AKAP12: variants seen among roughly 807,000 people sequenced by gnomAD.
The protein encoded by AKAP12 is A-kinase anchor protein 12.
AKAP12 carries 32 observed loss-of-function variants against 79.9 expected under a neutral mutation model. The ratio of observed to expected loss-of-function variants is 0.40; its 90% CI spans 0.30 to 0.54. The LOEUF (loss-of-function observed/expected upper bound fraction) is 0.54, where lower values mean the gene tolerates loss of function less well. Ranked by LOEUF, AKAP12 falls within the 20% of genes least tolerant of loss-of-function variation. The probability of loss-of-function intolerance (pLI) is 0.48; values close to 1 mark genes in which losing one functional copy is unlikely to be tolerated. For missense variants in AKAP12, 2,074 were observed against 2,177.0 expected (o/e 0.95, Z 0.94); for synonymous variants, 808 against 857.0 (o/e 0.94, Z 1.00).
At position 151,312,192 on chromosome 6, in the gene AKAP12, C is replaced by A. The variant is rs73619235; in HGVS notation, c.319+6289C>A. Among the ~76,000 whole-genome samples, 230 of 152,250 alleles carry A rather than the reference C, an allele frequency of 1.5e-3. 1 individual carries two copies. Among genetic ancestry groups the A allele is most frequent in the African/African-American group, 3.8e-3 (156 of 41,530 alleles). On this transcript the variant is annotated intron_variant, in intron 3 of 4. Coordinates refer to ENST00000402676, the MANE Select transcript of AKAP12 (RefSeq NM_005100.4). The stretch of plus-strand genomic sequence containing the variant: ...TTGGCTAAAATATAAGAATCAAGCC[C>A]AGGTGCGGTGACTTACAACGGTAAT...
chr6:151,266,949 G>A (rs1342937119), intron 2 of AKAP12, among the ~76,000 whole-genome samples: 1 of 150,392 alleles, frequency 6.6e-6, no homozygotes, highest in Non-Finnish European at 1.5e-5. Context: ...CCCGGGAGGT[G>A]GAGCCTGCCG....
intron 3 of AKAP12, among the ~76,000 whole-genome samples, chr6:151,326,507 GA>G (rs1165177847): frequency 7.2e-6 from 1 of 139,522 alleles, no homozygotes; most frequent in African/African-American, 2.6e-5. Flanking sequence ...AAAAAAAAAA[GA>G]AAAAAAGAAA....
At chr6:151,319,887 A>G (rs181657184) in intron 3 of AKAP12, 1 of 152,772 alleles carries the variant, frequency 6.5e-6, no homozygotes. Context: ...ATTTAAAGGA[A>G]TAACAGTGGC....
chr6:151,313,818 A>T (rs561369532), intron 3 of AKAP12, among the ~76,000 whole-genome samples: 3 of 152,220 alleles, frequency 2.0e-5, no homozygotes, highest in South Asian at 2.1e-4. Flanking sequence ...ACATTTCTTT[A>T]TCTCATTGCA....
At chr6:151,291,688 C>T (rs1006748580) in intron 2 of AKAP12, among the ~76,000 whole-genome samples, 4 of 152,246 alleles carry the variant, frequency 2.6e-5, no homozygotes, top group East Asian at 3.8e-4. Flanking sequence ...TAAGCATCCA[C>T]GGACCCTAAA....
chr6:151,286,781 G>A (rs1776512830), intron 2 of AKAP12, among the ~76,000 whole-genome samples: 1 of 152,170 alleles, frequency 6.6e-6, no homozygotes, highest in Admixed American at 6.5e-5. Context: ...TCCCGAATGT[G>A]GTCTGAGTCA....
At chr6:151,353,945 T>C (rs895320705) in intron 4 of AKAP12, among the ~76,000 whole-genome samples, 193 bp downstream of exon 4, 1 of 152,190 alleles carries the variant, frequency 6.6e-6, no homozygotes, top group Admixed American at 6.5e-5. Context: ...CATTTAGTCT[T>C]ATCGATGTTA....
At chr6:151,248,712 G>A (rs984877277) in intron 2 of AKAP12, among the ~76,000 whole-genome samples, 3 of 152,260 alleles carry the variant, frequency 2.0e-5, no homozygotes, top group Non-Finnish European at 4.4e-5. Flanking sequence ...GTTGCTGGCC[G>A]GGCATGGTGG....
rs750786266 is a variant in AKAP12 at position 151,349,585 on chromosome 6, G to A, written c.1194G>A (p.Pro398=). ...SQGPSEEKPA[P]LATEVFDEKI... ...GACCTTCTGAAGAGAAACCTGCTCC[G>A]TTGGCGACAGAAGTGTTTGATGAGA... The change falls in exon 4 of 5, where the codon CCG becomes CCA. Residue 398 remains proline, a synonymous_variant. Transcript: ENST00000402676. 1.4e-5 allele frequency: 23 copies of A among 1,611,010 alleles called. No individual in the cohort carries two copies. The highest frequency in any genetic ancestry group is 1.7e-5 in the Admixed American group (1 of 58,970).
chr6:151,289,622 A>G (rs1474266595), intron 2 of AKAP12, among the ~76,000 whole-genome samples: 4 of 152,242 alleles, frequency 2.6e-5, no homozygotes, highest in African/African-American at 7.2e-5. Context: ...GATGTGCAAT[A>G]TAACTGTTTT....
chr6:151,354,032 G>A (rs1287788207), intron 4 of AKAP12, among the ~76,000 whole-genome samples: 1 of 152,074 alleles, frequency 6.6e-6, no homozygotes, highest in African/African-American at 2.4e-5. Flanking sequence ...GTGTGCACAT[G>A]TGCGTGTTTG....
At chr6:151,302,666 A>C (rs376551189) in intron 2 of AKAP12, among the ~76,000 whole-genome samples, 4 of 152,302 alleles carry the variant, frequency 2.6e-5, no homozygotes, top group East Asian at 1.9e-4. Flanking sequence ...TAAGAGGCAC[A>C]ATTGACCGAA....
intron 3 of AKAP12, among the ~76,000 whole-genome samples, chr6:151,311,693 C>T (rs999890151): frequency 3.9e-5 from 6 of 152,158 alleles, no homozygotes; most frequent in Non-Finnish European, 4.4e-5. Flanking sequence ...TTTCTAATGG[C>T]GCTTAATGTC....
chr6:151,302,156 G>A (rs1308203884), intron 2 of AKAP12, among the ~76,000 whole-genome samples: 5 of 151,696 alleles, frequency 3.3e-5, no homozygotes, highest in East Asian at 3.9e-4. Flanking sequence ...GATTATAGGC[G>A]CACACCACCA....
intron 2 of AKAP12, among the ~76,000 whole-genome samples, chr6:151,276,186 T>TA (rs1468768007): frequency 6.6e-6 from 1 of 151,952 alleles, no homozygotes; most frequent in Non-Finnish European, 1.5e-5. Context: ...TGTACTTAAA[T>TA]AAAAAATCTT....
At chr6:151,344,584 A>G (rs770622231) in intron 3 of AKAP12, among the ~76,000 whole-genome samples, 12 of 151,868 alleles carry the variant, frequency 7.9e-5, no homozygotes, top group Non-Finnish European at 1.5e-4. Flanking sequence ...CCCAGGCTGG[A>G]GTGCAATGGC....
intron 2 of AKAP12, among the ~76,000 whole-genome samples, chr6:151,277,840 G>A (rs569669692): frequency 6.6e-6 from 1 of 152,184 alleles, no homozygotes; most frequent in African/African-American, 2.4e-5. Flanking sequence ...GGTTCTTCTG[G>A]TGCTGATGTT....
intron 2 of AKAP12, among the ~76,000 whole-genome samples, chr6:151,251,972 G>C (rs376498998): frequency 6.6e-6 from 1 of 152,010 alleles, no homozygotes; most frequent in Non-Finnish European, 1.5e-5. Flanking sequence ...ACTTCAGCCC[G>C]GGCAACAGCG....
chr6:151,264,987 C>T (rs917133865), intron 2 of AKAP12, among the ~76,000 whole-genome samples: 13 of 151,874 alleles, frequency 8.6e-5, no homozygotes, highest in South Asian at 2.1e-4. Flanking sequence ...CCTTTCTTGA[C>T]AAAAAGACAA....
Sources: gnomAD v4.1 joint callset for allele counts (sites outside exome capture counted in the v4.1 genomes callset) on GRCh38, gnomAD v4.1.1 for gene constraint, MANE v1.5 for transcripts, NCBI Gene and HGNC (gene_info 2026-07-23, HGNC 2026-07-21) for gene names.